SLCO2A1: variants seen among roughly 807,000 people sequenced by gnomAD.
SLCO2A1 encodes matrin F/G 1.
In SLCO2A1, 60 loss-of-function variants were observed where a neutral mutation model predicts 71.7. The observed-to-expected ratio is 0.84, with a 90% CI of 0.68 to 1.04. SLCO2A1 has a LOEUF of 1.04. SLCO2A1 is among the 50% of genes least tolerant of loss of function. The pLI, the probability that SLCO2A1 is intolerant of heterozygous loss-of-function variation, is 0.00. For missense variants in SLCO2A1, 745 were observed against 813.4 expected (o/e 0.92, Z 1.02); for synonymous variants, 308 against 326.7 (o/e 0.94, Z 0.62).
At chr3:134,021,729 GAGAA>G (rs777593446) in intron 1 of SLCO2A1, among the ~76,000 whole-genome samples, 9 of 151,858 alleles carry the variant, frequency 5.9e-5, no homozygotes, top group East Asian at 3.9e-4. Flanking sequence ...AAGTCAAAGA[GAGAA>G]AGAAAGAGAG....
intron 5 of SLCO2A1, 64 bp downstream of exon 5, chr3:133,953,599 G>T: frequency 7.8e-7 from 1 of 1,276,886 alleles, no homozygotes. Flanking sequence ...CTGATTGGAT[G>T]AGGGGGCTGG....
At chr3:134,019,535 G>A (rs1414906222) in intron 1 of SLCO2A1, among the ~76,000 whole-genome samples, 1 of 152,164 alleles carries the variant, frequency 6.6e-6, no homozygotes, top group Non-Finnish European at 1.5e-5. Flanking sequence ...GATGGGTACT[G>A]ATCCTGACAG....
intron 1 of SLCO2A1, among the ~76,000 whole-genome samples, chr3:133,981,596 G>C (rs974016327): frequency 2.6e-5 from 4 of 152,172 alleles, no homozygotes; most frequent in Non-Finnish European, 1.5e-5. Flanking sequence ...CAGAGTCTGG[G>C]GGACAACGTG....
At chr3:133,971,286 C>T (rs1432477344) in intron 3 of SLCO2A1, among the ~76,000 whole-genome samples, 2 of 152,246 alleles carry the variant, frequency 1.3e-5, no homozygotes, top group Non-Finnish European at 2.9e-5. Context: ...ACTCCTGACT[C>T]GCTTCAGAGC....
intron 11 of SLCO2A1, among the ~76,000 whole-genome samples, chr3:133,942,141 T>C (rs748050813): frequency 4.6e-5 from 7 of 152,224 alleles, no homozygotes; most frequent in Non-Finnish European, 8.8e-5. Flanking sequence ...TTACAGGCAC[T>C]GGCCACCACG....
At chr3:133,969,301 G>A (rs1316313803) in intron 3 of SLCO2A1, among the ~76,000 whole-genome samples, 1 of 152,138 alleles carries the variant, frequency 6.6e-6, no homozygotes, top group Non-Finnish European at 1.5e-5. Flanking sequence ...CTGGTGGTGG[G>A]CACCTGTAGT....
intron 1 of SLCO2A1, among the ~76,000 whole-genome samples, chr3:134,024,366 T>C (rs1471561519): frequency 3.3e-5 from 5 of 152,222 alleles, no homozygotes; most frequent in African/African-American, 7.2e-5. Context: ...AGCTGCAGGA[T>C]TTGAGTCAAT....
At position 133,938,508 on chromosome 3, in the gene SLCO2A1, A is replaced by G. The variant is rs372145103; in HGVS notation, c.1626-15T>C. On this transcript the variant is annotated splice_polypyrimidine_tract_variant and intron_variant, in intron 11 of 13. Coordinates refer to ENST00000310926, the MANE Select transcript of SLCO2A1 (RefSeq NM_005630.3). ...GGTTCACCACACTGAAAAGACAGAC[A>G]GGAAATCAGCAGTGGGAGGATTCAG... 2.4e-5 allele frequency: 39 copies of G among 1,613,786 alleles called. No homozygotes were observed. Among genetic ancestry groups the G allele is most frequent in the African/African-American group, 1.7e-4 (13 of 75,040 alleles).
At chr3:134,005,717 G>A (rs1041095384) in intron 1 of SLCO2A1, among the ~76,000 whole-genome samples, 3 of 152,046 alleles carry the variant, frequency 2.0e-5, no homozygotes, top group Non-Finnish European at 4.4e-5. Flanking sequence ...TCCTGACCAC[G>A]TGATCCACCG....
At chr3:134,023,410 A>G (rs1208024047) in intron 1 of SLCO2A1, among the ~76,000 whole-genome samples, 1 of 152,210 alleles carries the variant, frequency 6.6e-6, no homozygotes, top group Non-Finnish European at 1.5e-5. Context: ...CAAGTCAAAG[A>G]CAGCTTTCTG....
chr3:134,029,902 G>C lies in SLCO2A1; in HGVS notation c.-100C>G. On this transcript the variant is annotated 5_prime_UTR_variant, in exon 1 of 14. Coordinates refer to ENST00000310926, the MANE Select transcript of SLCO2A1 (RefSeq NM_005630.3). ...GAGGCGACCGCGGCGGCAGTGGCCG[G>C]AGGAGATTCGCGGAGCGGAGACTGA... 1 of 559,840 alleles carries C rather than the reference G, an allele frequency of 1.8e-6. No homozygotes were observed. The allele number at this position is 559,840 out of a possible 1,614,324, so 34.7% of individuals were successfully genotyped here.
At chr3:134,021,883 G>A (rs367676385) in intron 1 of SLCO2A1, among the ~76,000 whole-genome samples, 7 of 151,978 alleles carry the variant, frequency 4.6e-5, no homozygotes, top group African/African-American at 1.4e-4. Flanking sequence ...AAACAAGGGC[G>A]TATCCTGAAA....
intron 11 of SLCO2A1, among the ~76,000 whole-genome samples, chr3:133,939,007 C>CT (rs1243984253): frequency 6.6e-6 from 1 of 152,112 alleles, no homozygotes; most frequent in Non-Finnish European, 1.5e-5. Flanking sequence ...GGCCCTTGGG[C>CT]TGCAGGCTTC....
At chr3:134,027,900 T>TAATACAA (rs1165194763) in intron 1 of SLCO2A1, among the ~76,000 whole-genome samples, 22 of 152,226 alleles carry the variant, frequency 1.4e-4, no homozygotes, top group Non-Finnish European at 2.5e-4. Context: ...AACTCTGGTC[T>TAATACAA]TGCAATTAGT....
At position 133,955,186 on chromosome 3, in the gene SLCO2A1, G is replaced by A; in HGVS notation, c.405C>T (p.Asn135=). 6.2e-7 allele frequency: 1 copy of A among 1,612,674 alleles called. No individual in the cohort carries two copies. The highest frequency in any genetic ancestry group is 8.5e-7 in the Non-Finnish European group (1 of 1,179,422). The part of the protein sequence containing the change: ...YQYTLASTGN[N]SRLQAELCQK... Reference sequence around the variant, plus strand: ...GGCAGAGCTCGGCCTGCAAGCGGCTGTTGTTCCCTGCAACGAGAGTGCTTG... The same window carrying A: ...GGCAGAGCTCGGCCTGCAAGCGGCTATTGTTCCCTGCAACGAGAGTGCTTG... The change falls in exon 4 of 14, where the codon AAC becomes AAT. Residue 135 remains asparagine (N), a synonymous_variant. Coordinates refer to ENST00000310926, the MANE Select transcript of SLCO2A1 (RefSeq NM_005630.3).
At chr3:133,987,693 C>A (rs889643550) in intron 1 of SLCO2A1, among the ~76,000 whole-genome samples, 10 of 152,334 alleles carry the variant, frequency 6.6e-5, no homozygotes, top group African/African-American at 2.4e-4. Context: ...CAGAATAAAT[C>A]TCTTCAAATA....
At chr3:133,990,872 G>A (rs1037522932) in intron 1 of SLCO2A1, among the ~76,000 whole-genome samples, 1 of 152,106 alleles carries the variant, frequency 6.6e-6, no homozygotes, top group African/African-American at 2.4e-5. Flanking sequence ...CACTTTGAGA[G>A]GCTGAAGCGG....
intron 1 of SLCO2A1, among the ~76,000 whole-genome samples, chr3:134,027,792 C>G (rs922570387): frequency 2.0e-5 from 3 of 152,218 alleles, no homozygotes; most frequent in African/African-American, 7.2e-5. Flanking sequence ...GTGCAAGTGA[C>G]TTTAACTGAT....
intron 1 of SLCO2A1, among the ~76,000 whole-genome samples, chr3:133,981,592 CT>C (rs1228412129): frequency 6.6e-6 from 1 of 152,196 alleles, no homozygotes; most frequent in Non-Finnish European, 1.5e-5. Context: ...CCAGCAGAGT[CT>C]GGGGGACAAC....
Sources: allele counts gnomAD v4.1 joint callset (sites outside exome capture counted in the v4.1 genomes callset), GRCh38; gene constraint gnomAD v4.1.1; transcripts MANE v1.5; gene names NCBI Gene and HGNC (gene_info 2026-07-23, HGNC 2026-07-21).